KDM4C: variants seen among roughly 807,000 people sequenced by gnomAD.
The protein encoded by KDM4C is lysine-specific demethylase 4C.
Under a neutral mutation model 129.3 loss-of-function variants are expected in KDM4C, and 81 were observed. The ratio of observed to expected loss-of-function variants is 0.63; its 90% CI spans 0.52 to 0.75. The LOEUF (loss-of-function observed/expected upper bound fraction) is 0.75, where lower values mean the gene tolerates loss of function less well. KDM4C is among the 30% of genes least tolerant of loss of function. The probability of loss-of-function intolerance (pLI) is 0.00; values close to 1 mark genes in which losing one functional copy is unlikely to be tolerated. For missense variants in KDM4C, 1,457 were observed against 1,304.0 expected (o/e 1.12, Z -1.81); for synonymous variants, 573 against 456.1 (o/e 1.26, Z -3.26).
chr9:7,169,637 T>G (rs555066710), intron 20 of KDM4C, among the ~76,000 whole-genome samples, 161 bp from the exon 21 acceptor site: 1 of 152,370 alleles, frequency 6.6e-6, no homozygotes, highest in Admixed American at 6.5e-5. Context: ...CGGCCTCTAC[T>G]TAATAAGGGA....
chr9:7,049,962 G>C (rs921427638), intron 17 of KDM4C, among the ~76,000 whole-genome samples: 9 of 152,094 alleles, frequency 5.9e-5, no homozygotes, highest in African/African-American at 2.2e-4. Flanking sequence ...AATTTCCTGA[G>C]TCGTTGTTAT....
intron 8 of KDM4C, among the ~76,000 whole-genome samples, chr9:6,938,334 A>G (rs546797466): frequency 6.6e-6 from 1 of 152,312 alleles, no homozygotes; most frequent in Non-Finnish European, 1.5e-5. Flanking sequence ...ATGGCTCATG[A>G]TGACCCAGAG....
At chr9:6,987,377 G>A (rs982590345) in intron 11 of KDM4C, among the ~76,000 whole-genome samples, 4 of 152,210 alleles carry the variant, frequency 2.6e-5, no homozygotes, top group Non-Finnish European at 5.9e-5. Flanking sequence ...TCCTTGTACA[G>A]TATTAATATT....
intron 21 of KDM4C, 73 bp from the exon 22 acceptor site, chr9:7,174,480 A>T: frequency 6.9e-7 from 1 of 1,442,320 alleles, no homozygotes. Context: ...CAGCTGACCG[A>T]GTCAGATCTT....
intron 15 of KDM4C, among the ~76,000 whole-genome samples, chr9:7,021,511 A>G (rs528983435): frequency 2.5e-4 from 38 of 152,208 alleles, no homozygotes; most frequent in African/African-American, 9.2e-4. Context: ...TAATCAGATT[A>G]TTAGATATTT....
intron 1 of KDM4C, among the ~76,000 whole-genome samples, chr9:6,764,350 G>C (rs1563952379): frequency 2.6e-5 from 4 of 152,044 alleles, no homozygotes; most frequent in African/African-American, 9.7e-5. Flanking sequence ...CTTTTTCCTT[G>C]AAAAATGTCC....
chr9:7,072,281 C>T (rs964813986), intron 17 of KDM4C, among the ~76,000 whole-genome samples: 16 of 152,088 alleles, frequency 1.1e-4, no homozygotes, highest in Non-Finnish European at 2.2e-4. Context: ...TTTAGCATAC[C>T]ATCCAGCAAT....
chr9:6,925,299 G>A, intron 8 of KDM4C: 1 of 985,188 alleles, frequency 1.0e-6, no homozygotes, highest in Non-Finnish European at 1.2e-6. Context: ...TAATAATGGA[G>A]GTCAAATAAA....
chr9:6,861,406 A>T (rs1476088371), intron 5 of KDM4C, among the ~76,000 whole-genome samples: 3 of 152,190 alleles, frequency 2.0e-5, no homozygotes, highest in Non-Finnish European at 2.9e-5. Context: ...CTTCTTAGGG[A>T]TAAATATTAC....
chr9:6,799,936 A>T (rs1828612718), intron 2 of KDM4C, among the ~76,000 whole-genome samples: 1 of 151,984 alleles, frequency 6.6e-6, no homozygotes, highest in African/African-American at 2.4e-5. Context: ...TCAAATATTG[A>T]GTGTGGCTGG....
chr9:6,790,432 T>A (rs1187520593), intron 1 of KDM4C, among the ~76,000 whole-genome samples: 1 of 150,758 alleles, frequency 6.6e-6, no homozygotes, highest in Non-Finnish European at 1.5e-5. Flanking sequence ...TTTGTATTTT[T>A]TAGTAGAGAT....
chr9:7,037,972 G>T (rs1827938335), intron 15 of KDM4C, among the ~76,000 whole-genome samples: 1 of 152,024 alleles, frequency 6.6e-6, no homozygotes, highest in African/African-American at 2.4e-5. Context: ...AACAAGGCTG[G>T]CAATGAGCAC....
chr9:6,878,569 C>T (rs1843937590), intron 5 of KDM4C, among the ~76,000 whole-genome samples: 1 of 152,138 alleles, frequency 6.6e-6, no homozygotes, highest in East Asian at 1.9e-4. Context: ...TTACTTTTTC[C>T]TCCTTTCTGC....
chr9:6,917,573 A>G (rs1419524035), intron 8 of KDM4C, among the ~76,000 whole-genome samples: 1 of 152,206 alleles, frequency 6.6e-6, no homozygotes, highest in Non-Finnish European at 1.5e-5. Context: ...GGAGATAAGC[A>G]TGCAGCCATC....
At chr9:7,163,818 TAC>T (rs1217551511) in intron 19 of KDM4C, among the ~76,000 whole-genome samples, 1 of 152,180 alleles carries the variant, frequency 6.6e-6, no homozygotes, top group Non-Finnish European at 1.5e-5. Context: ...AGGATAGACT[TAC>T]TTTCATTTGG....
At chr9:6,760,442 T>C (rs1819180396) in intron 1 of KDM4C, among the ~76,000 whole-genome samples, 1 of 139,330 alleles carries the variant, frequency 7.2e-6, no homozygotes, top group Non-Finnish European at 1.5e-5. Flanking sequence ...TCTCTACTCT[T>C]GGGTATATAT....
chr9:7,013,671 C>A lies in KDM4C; in HGVS notation c.1969-117C>A, dbSNP rs147493510. 569 of 929,890 alleles carry A rather than the reference C, an allele frequency of 6.1e-4. 7 individuals carry two copies. The East Asian group carries it at 0.013, about 21-fold the overall frequency. 57.6% of individuals were successfully genotyped at this position (929,890 alleles called of 1,614,324 possible). A position where few individuals can be genotyped will look rare whatever the true frequency, so the allele number is the denominator to read the frequency against. On this transcript the variant is annotated intron_variant, in intron 13 of 21. Transcript: ENST00000381309. ...CTAGTAGTTTGGTCAAGGAGAACAA[C>A]AGGAAGAACAAAAGTTAGAAGTTAG...
At chr9:7,057,385 A>G (rs1406638241) in intron 17 of KDM4C, among the ~76,000 whole-genome samples, 2 of 152,180 alleles carry the variant, frequency 1.3e-5, no homozygotes, top group Admixed American at 1.3e-4. Flanking sequence ...CATCTATATC[A>G]TGCTTTAGAT....
intron 8 of KDM4C, among the ~76,000 whole-genome samples, chr9:6,963,042 T>C (rs1830287805): frequency 6.6e-6 from 1 of 152,230 alleles, no homozygotes; most frequent in African/African-American, 2.4e-5. Flanking sequence ...TTGAATCTTG[T>C]GTCCACCATG....
Sources: allele counts gnomAD v4.1 joint callset (sites outside exome capture counted in the v4.1 genomes callset), GRCh38; gene constraint gnomAD v4.1.1; transcripts MANE v1.5; gene names NCBI Gene and HGNC (gene_info 2026-07-23, HGNC 2026-07-21).